SH3PXD2B: variants seen among roughly 807,000 people sequenced by gnomAD.
SH3PXD2B encodes SH3 and PX domains 2B.
A neutral mutation model predicts 73.1 loss-of-function variants in SH3PXD2B; 37 were observed. The observed-to-expected ratio is 0.51, with a 90% confidence interval of 0.39 to 0.67. The LOEUF (loss-of-function observed/expected upper bound fraction) is 0.67, where lower values mean the gene tolerates loss of function less well. SH3PXD2B is among the 30% of genes least tolerant of loss of function. The pLI, the probability that SH3PXD2B is intolerant of heterozygous loss-of-function variation, is 0.00. For missense variants in SH3PXD2B, 1,053 were observed against 1,197.8 expected (o/e 0.88, Z 1.78); for synonymous variants, 457 against 480.5 (o/e 0.95, Z 0.64).
At chr5:172,333,097 G>A (rs1001850805), downstream of SH3PXD2B, among the ~76,000 whole-genome samples, 3 of 16,556 alleles carry the variant, frequency 1.8e-4, no homozygotes, top group East Asian at 1.6e-3. Context: ...CACCACGCCC[G>A]GCGAATTTTT....
At position 172,347,526 on chromosome 5, in the gene SH3PXD2B, C is replaced by T. The variant is rs188267177; in HGVS notation, c.1013-194G>A. ...GCTCATAGTTGGCTCAGGACTCTCT[C>T]GACGTAGCTTTTCTTGCATCTTTTC... On this transcript the variant is annotated intron_variant, in intron 10 of 12. Transcript: ENST00000311601. 3.9e-3 allele frequency among the ~76,000 whole-genome samples: 589 copies of T among 152,124 alleles called. 8 individuals are homozygous for T. The highest frequency in any genetic ancestry group is 2.3e-3 in the Non-Finnish European group (155 of 68,018).
At chr5:172,409,110 G>C (rs185747352) in intron 2 of SH3PXD2B, among the ~76,000 whole-genome samples, 2 of 152,188 alleles carry the variant, frequency 1.3e-5, no homozygotes, top group African/African-American at 4.8e-5. Flanking sequence ...GGCCAGGCGC[G>C]GTGGCTCACA....
At chr5:172,367,816 G>C (rs189800599) in intron 6 of SH3PXD2B, among the ~76,000 whole-genome samples, 251 of 152,202 alleles carry the variant, frequency 1.6e-3, no homozygotes, top group Non-Finnish European at 3.0e-3. Context: ...AAATGTCAAT[G>C]TGATGGCTGG....
chr5:172,385,712 G>T (rs1758047365), intron 4 of SH3PXD2B, among the ~76,000 whole-genome samples: 1 of 152,230 alleles, frequency 6.6e-6, no homozygotes, highest in Non-Finnish European at 1.5e-5. Flanking sequence ...GGACAACGAG[G>T]CCCATGGAAA....
At position 172,354,638 on chromosome 5, in the gene SH3PXD2B, A is replaced by C. The variant is rs536054560; in HGVS notation, c.668-633T>G. Among the ~76,000 whole-genome samples, 11 of 152,310 alleles carry C rather than the reference A, an allele frequency of 7.2e-5. No homozygotes were observed. The South Asian group carries it at 2.3e-3, about 32-fold the overall frequency. ...CTTGCAGGTGGAGAGTTCAGGGAGA[A>C]GCTGAACTTTGGCAGTGGAGGGTTT... is the stretch of plus-strand genomic sequence containing the variant. On this transcript the variant is annotated intron_variant, in intron 8 of 12. Transcript: ENST00000311601.
chr5:172,445,697 G>T lies in SH3PXD2B; in HGVS notation c.75+8581C>A, dbSNP rs1174942611. Among the ~76,000 whole-genome samples the T allele has an allele frequency of 6.6e-6, 1 of 152,228 alleles. No homozygotes were observed. Among genetic ancestry groups the T allele is most frequent in the Non-Finnish European group, 1.5e-5 (1 of 68,036 alleles). ...AAACCGAAATTGAACTGGGCATTCTGCATTTTCATTTGCTAACTCTGGCCA... is the reference window on the plus strand; with the variant it reads ...AAACCGAAATTGAACTGGGCATTCTTCATTTTCATTTGCTAACTCTGGCCA... On this transcript the variant is annotated intron_variant, in intron 1 of 12. Transcript: ENST00000311601. This position sits in a 1 kb window ranked among gnomAD's most constrained non-coding sequence, Gnocchi z 5.2.
intron 1 of SH3PXD2B, among the ~76,000 whole-genome samples, chr5:172,453,170 T>A (rs1242069653): frequency 3.3e-5 from 5 of 152,214 alleles, no homozygotes; most frequent in Non-Finnish European, 5.9e-5. Flanking sequence ...AGGAGCTTAA[T>A]TTAGCCAGCC....
intron 1 of SH3PXD2B, among the ~76,000 whole-genome samples, chr5:172,425,211 C>T (rs1759066881): frequency 6.6e-6 from 1 of 152,118 alleles, no homozygotes; most frequent in African/African-American, 2.4e-5. Context: ...GGTTTCCATT[C>T]ATTCACTCAT....
At chr5:172,432,639 T>C (rs139217624) in intron 1 of SH3PXD2B, among the ~76,000 whole-genome samples, 154 of 152,262 alleles carry the variant, frequency 1.0e-3, no homozygotes, top group Middle Eastern at 6.8e-3. Context: ...GAGGATTGAC[T>C]GGCTGGGTGC....
intron 1 of SH3PXD2B, among the ~76,000 whole-genome samples, chr5:172,438,028 C>T (rs140816317): frequency 3.9e-5 from 6 of 152,186 alleles, no homozygotes; most frequent in Non-Finnish European, 5.9e-5. Flanking sequence ...GGGCCTCAAT[C>T]GAGAAAGAAA....
chr5:172,454,294 A>T lies in SH3PXD2B; in HGVS notation c.59T>A (p.Val20Glu), dbSNP rs200559361. 1.3e-6 allele frequency: 2 copies of T among 1,557,494 alleles called. No individual in the cohort carries two copies. ...VKVLDVQKRR[V>E]PNKHYVYIIR... is the part of the protein sequence containing the mutation. ...CGCACTCACATAATGCTTGTTGGGC[A>T]CCCGCCGCTTCTGCACGTCTAGCAC... The change falls in exon 1 of 13, where the codon GTG (valine) becomes GAG (glutamate). Residue 20 changes from valine (V) to glutamate (E), a missense_variant. By Grantham distance (121) the Val-to-Glu change is moderately radical. Transcript: ENST00000311601.
At position 172,336,984 on chromosome 5, in the gene SH3PXD2B, C is replaced by T. The variant is rs896771703; in HGVS notation, c.*1385G>A. The T allele has an allele frequency of 1.0e-6, 1 of 985,558 alleles. No individual in the cohort carries two copies. Among genetic ancestry groups the T allele is most frequent in the Non-Finnish European group, 1.2e-6 (1 of 830,014 alleles). 61.1% of individuals were successfully genotyped at this position (985,558 alleles called of 1,614,324 possible). ...CTCTGCCTGGCCCTTGGTTACCTGC[C>T]TCCCTATGGGACCGCTGCATGCTAT... is the stretch of plus-strand genomic sequence containing the variant. On this transcript the variant is annotated 3_prime_UTR_variant, in exon 13 of 13. Transcript: ENST00000311601.
In SH3PXD2B at chr5:172,334,249, C is replaced by T; in HGVS notation, c.*4120G>A. 3 of 1,034,610 alleles carry T rather than the reference C, an allele frequency of 2.9e-6. No homozygotes were observed. The highest frequency in any genetic ancestry group is 3.5e-6 in the Non-Finnish European group (3 of 863,860). The allele number at this position is 1,034,610 out of a possible 1,614,324, so 64.1% of individuals were successfully genotyped here. On this transcript the variant is annotated 3_prime_UTR_variant, in exon 13 of 13. Transcript: ENST00000311601. Reference sequence around the variant, plus strand: ...GCAGTCCAGTCTGTAGAAAGGTGCTCTGAAGGAGGTCCATGAGCAGGCAAG... The same window carrying T: ...GCAGTCCAGTCTGTAGAAAGGTGCTTTGAAGGAGGTCCATGAGCAGGCAAG...
intron 1 of SH3PXD2B, among the ~76,000 whole-genome samples, chr5:172,440,432 G>A (rs1333414531): frequency 6.6e-6 from 1 of 152,220 alleles, no homozygotes. Context: ...GCCTGGATCA[G>A]GAGTCTAGGT....
At chr5:172,413,741 G>T (rs886806726) in intron 2 of SH3PXD2B, among the ~76,000 whole-genome samples, 1 of 152,144 alleles carries the variant, frequency 6.6e-6, no homozygotes, top group Non-Finnish European at 1.5e-5. Flanking sequence ...AGGCAACTAC[G>T]GTATTTTCCC....
chr5:172,380,736 G>A (rs1432618741), intron 5 of SH3PXD2B, among the ~76,000 whole-genome samples: 3 of 152,198 alleles, frequency 2.0e-5, no homozygotes, highest in African/African-American at 4.8e-5. Flanking sequence ...TGTGACATCC[G>A]ATTCAAAGGT....
intron 4 of SH3PXD2B, among the ~76,000 whole-genome samples, chr5:172,390,628 G>A (rs1195350098): frequency 6.6e-6 from 1 of 152,220 alleles, no homozygotes; most frequent in Non-Finnish European, 1.5e-5. Context: ...TGCACCAGCT[G>A]ATGAACTTGT....
At chr5:172,348,699 C>T (rs865842872) in intron 10 of SH3PXD2B, among the ~76,000 whole-genome samples, 1 of 42,108 alleles carries the variant, frequency 2.4e-5, no homozygotes, top group Non-Finnish European at 5.5e-5. Context: ...ATCTATCTAT[C>T]TATCTATCTA....
rs1581256757 is a variant in SH3PXD2B, at chr5:172,336,773, T to C, written c.*1596A>G. 1.0e-6 allele frequency: 1 copy of C among 985,632 alleles called. No homozygotes were observed. Among genetic ancestry groups the C allele is most frequent in the East Asian group, 1.1e-4 (1 of 8,810 alleles). 61.1% of individuals were successfully genotyped at this position (985,632 alleles called of 1,614,324 possible). A position where few individuals can be genotyped will look rare whatever the true frequency, so the allele number is the denominator to read the frequency against. ...AAGGGGTTCTGCTCTGCTCTCTTACTCTGGGCTGGGAGCTAGAAATGCTGG... is the reference window on the plus strand; with the variant it reads ...AAGGGGTTCTGCTCTGCTCTCTTACCCTGGGCTGGGAGCTAGAAATGCTGG... On this transcript the variant is annotated 3_prime_UTR_variant, in exon 13 of 13. Transcript: ENST00000311601.
Sources: gnomAD v4.1 joint callset for allele counts (sites outside exome capture counted in the v4.1 genomes callset) on GRCh38, gnomAD v4.1.1 for gene constraint, Gnocchi (gnomAD v3.1) non-coding constraint, MANE v1.5 for transcripts, NCBI Gene and HGNC (gene_info 2026-07-23, HGNC 2026-07-21) for gene names.